Variants in CEP63 observed in about 807,000 individuals in gnomAD.
The protein encoded by CEP63 is centrosomal protein 63.
A neutral mutation model predicts 89.1 loss-of-function variants in CEP63; 84 were observed. The ratio of observed to expected loss-of-function variants is 0.94; its 90% CI spans 0.79 to 1.13. The LOEUF (loss-of-function observed/expected upper bound fraction) is 1.13. CEP63 is among the 50% of genes most tolerant of loss of function. The pLI is 0.00. For synonymous variants in CEP63, 267 were observed against 272.5 expected (o/e 0.98, Z 0.20); for missense variants, 838 against 813.3 (o/e 1.03, Z -0.37).
At chr3:134,524,412 C>A (rs534664425) in intron 3 of CEP63, among the ~76,000 whole-genome samples, 1 of 152,156 alleles carries the variant, frequency 6.6e-6, no homozygotes, top group Non-Finnish European at 1.5e-5. Context: ...GCCAGGACTT[C>A]TAAAACTATG....
chr3:134,648,108 C>T, the CEP63 span, among the ~76,000 whole-genome samples: 5 of 152,214 alleles, frequency 3.3e-5, no homozygotes, highest in Non-Finnish European at 1.5e-5. Flanking sequence ...GCCGCAAGGT[C>T]GAGTTCCTGG....
chr3:134,750,852 A>T, the CEP63 span, among the ~76,000 whole-genome samples: 1 of 152,222 alleles, frequency 6.6e-6, no homozygotes, highest in Non-Finnish European at 1.5e-5. Flanking sequence ...AAAAATTGAG[A>T]TGAAATTTCT....
chr3:134,510,817 A>C (rs950901925), intron 3 of CEP63: 2 of 331,804 alleles, frequency 6.0e-6, no homozygotes, highest in Non-Finnish European at 1.2e-5. Flanking sequence ...CCAGCAAAGC[A>C]CCTGGGGTAG....
At position 134,507,150 on chromosome 3, in the gene CEP63, T is replaced by A; in HGVS notation, c.86T>A (p.Met29Lys). ...TSCEAELQEL[M>K]KQIDIMVAHK... is the part of the protein sequence containing the mutation. The stretch of plus-strand genomic sequence containing the variant: ...TGTGAAGCAGAACTACAGGAGCTCA[T>A]GAAACAGATTGACATAATGGTGGCT... Residue 29 changes from methionine to lysine, a missense_variant, in exon 3 of 15, where the codon ATG becomes AAG. By Grantham distance (95) the Met-to-Lys change is moderately conservative. Coordinates refer to ENST00000675561, the MANE Select transcript of CEP63 (RefSeq NM_001353108.3). 3.7e-6 allele frequency: 6 copies of A among 1,613,760 alleles called. No individual in the cohort carries two copies. The highest frequency in any genetic ancestry group is 5.1e-6 in the Non-Finnish European group (6 of 1,179,890).
chr3:134,650,925 G>C, the CEP63 span: 1 of 1,613,346 alleles, frequency 6.2e-7, no homozygotes, highest in Non-Finnish European at 8.5e-7. Context: ...GCAGCATGTC[G>C]ATAGATACAG....
rs935004417 is a variant in CEP63, at chr3:134,539,405, A to G, written c.555+2137A>G. On this transcript the variant is annotated intron_variant, in intron 6 of 14. Coordinates refer to ENST00000675561, the MANE Select transcript of CEP63 (RefSeq NM_001353108.3). The stretch of plus-strand genomic sequence containing the variant: ...ACTTCTTATTTTTGGGTGGAATATT[A>G]CAGAGCAAATCATAGATATCATCTT... 7.2e-5 allele frequency among the ~76,000 whole-genome samples: 11 copies of G among 152,340 alleles called. No homozygotes were observed. The South Asian group carries it at 1.9e-3, about 26-fold the overall frequency.
downstream of CEP63, among the ~76,000 whole-genome samples, chr3:134,565,243 T>A (rs1007096296): frequency 1.4e-4 from 21 of 152,202 alleles, no homozygotes; most frequent in African/African-American, 5.1e-4. Flanking sequence ...AAAGTTGACT[T>A]CCCACTGTGG....
the CEP63 span, among the ~76,000 whole-genome samples, chr3:134,717,586 G>T: frequency 2.6e-5 from 4 of 152,162 alleles, no homozygotes; most frequent in Non-Finnish European, 4.4e-5. Flanking sequence ...AGACATAGAG[G>T]CCAGTAACAT....
At chr3:134,624,648 T>G in the CEP63 span, among the ~76,000 whole-genome samples, 1 of 152,224 alleles carries the variant, frequency 6.6e-6, no homozygotes, top group Non-Finnish European at 1.5e-5. Flanking sequence ...GCTGTGATTA[T>G]AATGGTCCTG....
chr3:134,685,190 C>T, the CEP63 span, among the ~76,000 whole-genome samples: 1 of 152,084 alleles, frequency 6.6e-6, no homozygotes, highest in Non-Finnish European at 1.5e-5. Flanking sequence ...AAATGCATAT[C>T]TTCATGCCAA....
At chr3:134,736,654 GA>G in the CEP63 span, among the ~76,000 whole-genome samples, 624 of 152,188 alleles carry the variant, frequency 4.1e-3, 2 homozygotes, top group African/African-American at 0.014. Context: ...CAAAAACATT[GA>G]AAGGTTCCTG....
chr3:134,526,108 A>G (rs1242393927), intron 3 of CEP63, among the ~76,000 whole-genome samples: 1 of 152,076 alleles, frequency 6.6e-6, no homozygotes, highest in Admixed American at 6.5e-5. Flanking sequence ...AATCCCATAT[A>G]TCTTGGGGGT....
the CEP63 span, chr3:134,647,407 A>G: frequency 2.0e-6 from 3 of 1,536,286 alleles, no homozygotes; most frequent in East Asian, 2.3e-5. Flanking sequence ...ATTAAATCCT[A>G]TAGGTTGAAA....
At chr3:134,489,942 T>G (rs1395021113) in intron 1 of CEP63, among the ~76,000 whole-genome samples, 1 of 152,210 alleles carries the variant, frequency 6.6e-6, no homozygotes, top group Non-Finnish European at 1.5e-5. Flanking sequence ...TGGGAGCTCC[T>G]TAAAGTTGGC....
the CEP63 span, among the ~76,000 whole-genome samples, chr3:134,658,638 C>A: frequency 6.6e-6 from 1 of 152,208 alleles, no homozygotes; most frequent in Non-Finnish European, 1.5e-5. Context: ...TAGAACTGAG[C>A]TTTCCAGAGA....
the CEP63 span, among the ~76,000 whole-genome samples, chr3:134,693,360 G>A: frequency 6.6e-6 from 1 of 152,184 alleles, no homozygotes; most frequent in Non-Finnish European, 1.5e-5. Context: ...CAGCAAAGCT[G>A]AGGGCCAGAA....
chr3:134,524,136 C>CT (rs1201556144), intron 3 of CEP63, among the ~76,000 whole-genome samples: 2 of 151,934 alleles, frequency 1.3e-5, no homozygotes, highest in African/African-American at 4.8e-5. Context: ...GTATTTTATT[C>CT]TTTTTGTGAC....
the CEP63 span, among the ~76,000 whole-genome samples, chr3:134,704,558 G>T: frequency 1.1e-4 from 16 of 152,334 alleles, no homozygotes; most frequent in Admixed American, 9.1e-4. Flanking sequence ...TAAATCCAGA[G>T]GTCATTATGA....
chr3:134,736,043 C>G, the CEP63 span, among the ~76,000 whole-genome samples: 1 of 151,916 alleles, frequency 6.6e-6, no homozygotes, highest in African/African-American at 2.4e-5. Context: ...AACCCAAAGG[C>G]GAGTAGGAAA....
Sources: gnomAD v4.1 joint callset for allele counts (sites outside exome capture counted in the v4.1 genomes callset) on GRCh38, gnomAD v4.1.1 for gene constraint, MANE v1.5 for transcripts, NCBI Gene and HGNC (gene_info 2026-07-23, HGNC 2026-07-21) for gene names.